Variants in FBN1 observed in about 807,000 individuals in gnomAD.
The protein encoded by FBN1 is fibrillin-1.
In FBN1, 29 loss-of-function variants were observed where a neutral mutation model predicts 365.1. That is an observed-to-expected ratio of 0.08 (90% CI 0.06 to 0.11). FBN1 has a LOEUF of 0.11. Among genes scored for constraint, FBN1 ranks in the 10% least tolerant of loss-of-function variants. FBN1 has a pLI of 1.00. For missense variants in FBN1, 2,476 were observed against 3,703.2 expected (o/e 0.67, Z 8.60); for synonymous variants, 1,210 against 1,270.5 (o/e 0.95, Z 1.01).
Position 48,452,702 on chromosome 15 carries a change from C to T in FBN1, c.5423-18G>A, listed in dbSNP as rs1057521048. ...GTCAATATCTACGAGCAGAAGAGAA[C>T]TGAATTTGAAGGAGAACAGAATCTG... is the stretch of plus-strand genomic sequence containing the variant. On this transcript the variant is annotated intron_variant, in intron 44 of 65. Transcript: ENST00000316623. 1 of 1,613,748 alleles carries T rather than the reference C, an allele frequency of 6.2e-7. No individual in the cohort carries two copies.
intron 36 of FBN1, 148 bp from the exon 37 acceptor site, chr15:48,468,682 CAG>C: frequency 2.5e-6 from 2 of 791,388 alleles, no homozygotes; most frequent in East Asian, 5.3e-5. Flanking sequence ...TCTTCCACTT[CAG>C]AGATAAAACA....
intron 6 of FBN1, among the ~76,000 whole-genome samples, chr15:48,549,544 C>T (rs1480533352): frequency 1.3e-5 from 2 of 152,190 alleles, no homozygotes; most frequent in Non-Finnish European, 2.9e-5. Context: ...GATTTCCTTA[C>T]AGTAAATCCC....
At chr15:48,479,805 T>G (rs2043453017) in intron 32 of FBN1, among the ~76,000 whole-genome samples, 1 of 152,140 alleles carries the variant, frequency 6.6e-6, no homozygotes, top group South Asian at 2.1e-4. Context: ...GAGTAAGATT[T>G]TCCTTCTTTA....
At chr15:48,515,846 C>T (rs1368701135) in intron 11 of FBN1, among the ~76,000 whole-genome samples, 1 of 152,198 alleles carries the variant, frequency 6.6e-6, no homozygotes, top group African/African-American at 2.4e-5. Context: ...AACTGCCTTG[C>T]AAGCTCTGTA....
intron 6 of FBN1, among the ~76,000 whole-genome samples, chr15:48,591,921 T>C (rs895562759): frequency 6.6e-6 from 1 of 152,210 alleles, no homozygotes; most frequent in African/African-American, 2.4e-5. Context: ...TTACCACTTA[T>C]AAGCTGTCCC....
intron 32 of FBN1, among the ~76,000 whole-genome samples, chr15:48,475,173 A>C (rs2043409284): frequency 6.6e-6 from 1 of 152,122 alleles, no homozygotes; most frequent in African/African-American, 2.4e-5. Flanking sequence ...TTTCTACAAA[A>C]GCTTTCCTTT....
At chr15:48,424,984 C>T (rs1043061470) in intron 60 of FBN1, among the ~76,000 whole-genome samples, 2 of 152,126 alleles carry the variant, frequency 1.3e-5, no homozygotes, top group Admixed American at 6.5e-5. Context: ...CTGATTATTC[C>T]GAGGCAGGAC....
chr15:48,622,877 C>T (rs1889796027), intron 2 of FBN1, among the ~76,000 whole-genome samples: 1 of 152,194 alleles, frequency 6.6e-6, no homozygotes, highest in African/African-American at 2.4e-5. Flanking sequence ...GCTCTTCCAT[C>T]TTTCCATTTC....
In FBN1 at chr15:48,444,436, T is replaced by C. The variant is rs2043138288; in HGVS notation, c.6037+105A>G. 43 of 1,362,356 alleles carry C rather than the reference T, an allele frequency of 3.2e-5. 1 individual carries two copies. Among genetic ancestry groups the C allele is most frequent in the Non-Finnish European group, 4.4e-5 (42 of 958,028 alleles). 84.4% of individuals were successfully genotyped at this position (1,362,356 alleles called of 1,614,324 possible). On this transcript the variant is annotated intron_variant, in intron 49 of 65. Transcript: ENST00000316623. ...ATACCTATGCCCTTGCATTTGTTTC[T>C]GATAAAGTATTCCAAAATGAAGACG...
intron 10 of FBN1, among the ~76,000 whole-genome samples, chr15:48,517,965 T>A (rs1187332884): frequency 6.6e-6 from 1 of 152,236 alleles, no homozygotes; most frequent in African/African-American, 2.4e-5. Context: ...TGAGGTTAAA[T>A]AGGAAAGTAC....
At chr15:48,446,437 G>GA (rs1566898669) in intron 47 of FBN1, among the ~76,000 whole-genome samples, 3 of 152,088 alleles carry the variant, frequency 2.0e-5, no homozygotes, top group South Asian at 2.1e-4. Flanking sequence ...GTATGTGTAG[G>GA]AAAAAACATG....
chr15:48,421,759 TAGA>T (rs2042944171), intron 61 of FBN1, 73 bp from the exon 62 acceptor site: 1 of 1,561,764 alleles, frequency 6.4e-7, no homozygotes, highest in East Asian at 2.3e-5. Context: ...AAAAGAAAAT[TAGA>T]AGGATAACTC....
At chr15:48,469,739 A>G (rs2043355541) in intron 36 of FBN1, among the ~76,000 whole-genome samples, 2 of 152,066 alleles carry the variant, frequency 1.3e-5, no homozygotes, top group African/African-American at 4.8e-5. Context: ...GTTGATAGTG[A>G]TCTGGGGCAC....
chr15:48,413,695 G>C (rs1226317996), intron 64 of FBN1, among the ~76,000 whole-genome samples: 2 of 152,176 alleles, frequency 1.3e-5, no homozygotes, highest in African/African-American at 4.8e-5. Flanking sequence ...GGCCAAAACT[G>C]TTTTAAATGG....
intron 5 of FBN1, among the ~76,000 whole-genome samples, chr15:48,599,891 C>T (rs572996505): frequency 3.9e-5 from 6 of 152,252 alleles, no homozygotes; most frequent in Admixed American, 1.3e-4. Flanking sequence ...GGAGATCAGG[C>T]AAGCAAGGTG....
chr15:48,474,159 G>T, intron 34 of FBN1, 96 bp downstream of exon 34: 1 of 1,551,844 alleles, frequency 6.4e-7, no homozygotes, highest in South Asian at 1.1e-5. Flanking sequence ...TCTATTAACT[G>T]ACCCAGTCTT....
intron 6 of FBN1, among the ~76,000 whole-genome samples, chr15:48,546,004 T>C (rs2044091021): frequency 6.6e-6 from 1 of 151,978 alleles, no homozygotes; most frequent in African/African-American, 2.4e-5. Flanking sequence ...TGACACCCTG[T>C]ATCAAAAAAG....
intron 2 of FBN1, among the ~76,000 whole-genome samples, chr15:48,623,847 A>C (rs1478027933): frequency 2.6e-5 from 4 of 152,134 alleles, no homozygotes; most frequent in Non-Finnish European, 5.9e-5. Context: ...GTGTTGATCA[A>C]AAGCAATAGC....
At chr15:48,505,293 A>C in intron 15 of FBN1, 146 bp from the exon 16 acceptor site, 35 of 935,712 alleles carry the variant, frequency 3.7e-5, no homozygotes, top group Non-Finnish European at 5.7e-5. Flanking sequence ...TGGCATTCTC[A>C]TTTTCCTTTG....
Sources: gnomAD v4.1 joint callset for allele counts (sites outside exome capture counted in the v4.1 genomes callset) on GRCh38, gnomAD v4.1.1 for gene constraint, MANE v1.5 for transcripts, NCBI Gene and HGNC (gene_info 2026-07-23, HGNC 2026-07-21) for gene names.